Variants in LPIN2 observed in about 807,000 individuals in gnomAD.
The protein encoded by LPIN2 is lipin 2, also known as phosphatidate phosphatase LPIN2.
Under a neutral mutation model 111.4 loss-of-function variants are expected in LPIN2, and 55 were observed. The ratio of observed to expected loss-of-function variants is 0.49; its 90% CI spans 0.40 to 0.62. The LOEUF is 0.62. LPIN2 is among the 20% of genes least tolerant of loss of function. The pLI, the probability that LPIN2 is intolerant of heterozygous loss-of-function variation, is 0.00. For missense variants in LPIN2, 992 were observed against 1,112.1 expected (o/e 0.89, Z 1.54); for synonymous variants, 425 against 414.0 (o/e 1.03, Z -0.32).
At position 2,925,092 on chromosome 18, in the gene LPIN2, GAT is replaced by G; in HGVS notation, c.1938+130_1938+131del. The G allele has an allele frequency of 1.6e-6, 2 of 1,214,134 alleles. No individual in the cohort carries two copies. Among genetic ancestry groups the G allele is most frequent in the South Asian group, 2.5e-5 (2 of 78,996 alleles). 75.2% of individuals were successfully genotyped at this position (1,214,134 alleles called of 1,614,324 possible). A position where few individuals can be genotyped will look rare whatever the true frequency, so the allele number is the denominator to read the frequency against. On this transcript the variant is annotated intron_variant, in intron 14 of 19. Coordinates refer to ENST00000677752, the MANE Select transcript of LPIN2 (RefSeq NM_001375808.2). This position sits in a 1 kb window ranked among gnomAD's most constrained non-coding sequence, Gnocchi z 4.1. The stretch of plus-strand genomic sequence containing the variant: ...GGGCGGCGGTCGTGGTTCCACTGTG[GAT>G]AGGCATTGACACGACCATGCCGTGT...
At chr18:2,942,856 G>C (rs753379742) in intron 4 of LPIN2, among the ~76,000 whole-genome samples, 6 of 152,342 alleles carry the variant, frequency 3.9e-5, no homozygotes, top group South Asian at 2.1e-4. Flanking sequence ...CGTGACGTGA[G>C]GCTATAGTGG....
chr18:2,935,229 C>T (rs1439583831), intron 7 of LPIN2, among the ~76,000 whole-genome samples: 1 of 152,196 alleles, frequency 6.6e-6, no homozygotes, highest in African/African-American at 2.4e-5. Context: ...GATTTATTGG[C>T]TTAGATGAAA....
Position 2,996,495 on chromosome 18 carries a change from T to TTTTTTTG in LPIN2, c.-10+16591_-10+16592insCAAAAAA, listed in dbSNP as rs1383642994. Among the ~76,000 whole-genome samples the TTTTTTTG allele has an allele frequency of 1.2e-4, 12 of 104,224 alleles. 1 individual carries two copies. The highest frequency in any genetic ancestry group is 4.2e-4 in the African/African-American group (11 of 26,504). 68.4% of individuals were successfully genotyped at this position (104,224 alleles called of 152,430 possible). ...TTTTTTTTTTTTTTTTTTTTTTTTT[T>TTTTTTTG]GAGACAGAGTCTCTCTCTGTCACCC... On this transcript the variant is annotated intron_variant, in intron 1 of 19. Coordinates refer to ENST00000677752, the MANE Select transcript of LPIN2 (RefSeq NM_001375808.2).
At chr18:2,946,757 G>A (rs976437423) in intron 4 of LPIN2, 1 of 521,312 alleles carries the variant, frequency 1.9e-6, no homozygotes, top group African/African-American at 1.9e-5. Context: ...GAACAGATAA[G>A]TGGGGCTGCT....
intron 4 of LPIN2, chr18:2,946,606 T>C (rs2077456072): frequency 1.1e-5 from 9 of 835,190 alleles, no homozygotes; most frequent in South Asian, 8.4e-5. Flanking sequence ...GCCAATCCCG[T>C]GTTGCTAGCA....
chr18:2,920,947 C>T, intron 18 of LPIN2, 66 bp from the exon 19 acceptor site: 1 of 1,080,628 alleles, frequency 9.3e-7, no homozygotes, highest in Non-Finnish European at 1.4e-6. Context: ...TCTCAGGCTC[C>T]TTGTGAGCCA....
At chr18:2,928,720 G>A in intron 10 of LPIN2, 60 bp from the exon 11 acceptor site, 1 of 1,231,554 alleles carries the variant, frequency 8.1e-7, no homozygotes, top group Non-Finnish European at 1.2e-6. Context: ...AGAGAGAGGG[G>A]AGGGAATCAG....
intron 1 of LPIN2, among the ~76,000 whole-genome samples, chr18:2,994,513 G>A (rs753683907): frequency 2.6e-5 from 4 of 152,222 alleles, no homozygotes; most frequent in Non-Finnish European, 2.9e-5. Context: ...CATAGTTGGG[G>A]AGGACATATA....
intron 1 of LPIN2, among the ~76,000 whole-genome samples, chr18:3,001,659 C>G (rs993002192): frequency 1.3e-5 from 2 of 151,932 alleles, no homozygotes; most frequent in Non-Finnish European, 2.9e-5. Flanking sequence ...AGCATGGAAT[C>G]AAATCCCACA....
At chr18:3,009,213 C>A (rs752500840) in intron 1 of LPIN2, among the ~76,000 whole-genome samples, 2 of 151,778 alleles carry the variant, frequency 1.3e-5, no homozygotes, top group Non-Finnish European at 2.9e-5. Flanking sequence ...TTCTGGCTAA[C>A]ACAGTGAAAC....
chr18:2,945,498 A>G (rs904362871), intron 4 of LPIN2: 4 of 931,512 alleles, frequency 4.3e-6, no homozygotes, highest in Non-Finnish European at 7.0e-6. Flanking sequence ...CACTTCACAC[A>G]GTATTAAAAA....
intron 9 of LPIN2, 104 bp downstream of exon 9, chr18:2,931,152 C>A: frequency 7.6e-7 from 1 of 1,316,504 alleles, no homozygotes. Flanking sequence ...GCACAAGATC[C>A]CTAAAGAATG....
At chr18:2,981,009 A>G (rs1429144933) in intron 1 of LPIN2, among the ~76,000 whole-genome samples, 1 of 152,228 alleles carries the variant, frequency 6.6e-6, no homozygotes. Flanking sequence ...CTTGTTTCAA[A>G]AAATATGAAA....
intron 1 of LPIN2, among the ~76,000 whole-genome samples, chr18:2,974,417 T>C (rs1420557871): frequency 6.6e-6 from 1 of 152,206 alleles, no homozygotes; most frequent in Non-Finnish European, 1.5e-5. Flanking sequence ...TCAGTGTCCT[T>C]GGGGGAGCCT....
Position 2,919,521 on chromosome 18 carries a change from C to G in LPIN2, c.*772G>C, listed in dbSNP as rs948592383. 2.0e-5 allele frequency: 3 copies of G among 152,268 alleles called. No homozygotes were observed. The highest frequency in any genetic ancestry group is 7.2e-5 in the African/African-American group (3 of 41,440). The allele number at this position is 152,268 out of a possible 1,614,324, so 9.4% of individuals were successfully genotyped here. ...AAAAGCAGAGTTGTTGGGGGCGGGG[C>G]GGGGTTTGGTCTGTTTTAAGACCCA... On this transcript the variant is annotated 3_prime_UTR_variant, in exon 20 of 20. Transcript: ENST00000677752.
chr18:2,935,400 A>C (rs902787503), intron 7 of LPIN2, among the ~76,000 whole-genome samples: 4 of 152,220 alleles, frequency 2.6e-5, no homozygotes, highest in Non-Finnish European at 4.4e-5. Flanking sequence ...TCAAAAAAAC[A>C]ATCAGACAAA....
chr18:3,009,093 T>G (rs1444111018), intron 1 of LPIN2, among the ~76,000 whole-genome samples: 1 of 151,998 alleles, frequency 6.6e-6, no homozygotes, highest in Non-Finnish European at 1.5e-5. Context: ...ACAGGGAGAC[T>G]TCTCTCTTTC....
chr18:2,949,393 AG>A (rs756076834), intron 4 of LPIN2, among the ~76,000 whole-genome samples: 9 of 152,228 alleles, frequency 5.9e-5, no homozygotes, highest in Non-Finnish European at 1.2e-4. Context: ...TGATTCATTC[AG>A]GATTTTAAAA....
chr18:2,949,470 TTTTG>T (rs956343975), intron 4 of LPIN2, among the ~76,000 whole-genome samples: 9 of 152,240 alleles, frequency 5.9e-5, no homozygotes, highest in African/African-American at 2.2e-4. Context: ...GCTTTCCATC[TTTTG>T]TTGTTTAGTT....
Sources: gnomAD v4.1 joint callset for allele counts (sites outside exome capture counted in the v4.1 genomes callset) on GRCh38, gnomAD v4.1.1 for gene constraint, Gnocchi (gnomAD v3.1) non-coding constraint, MANE v1.5 for transcripts, NCBI Gene and HGNC (gene_info 2026-07-23, HGNC 2026-07-21) for gene names.